Variants in OCA2 observed in about 807,000 individuals in gnomAD.
The protein encoded by OCA2 is P protein.
In OCA2, 77 loss-of-function variants were observed where a neutral mutation model predicts 100.2. That is an observed-to-expected ratio of 0.77 (90% CI 0.64 to 0.93). The LOEUF (loss-of-function observed/expected upper bound fraction) is 0.93, where lower values mean the gene tolerates loss of function less well. Among genes scored for constraint, OCA2 ranks in the 40% least tolerant of loss-of-function variants. OCA2 has a pLI of 0.00. For missense variants in OCA2, 1,062 were observed against 1,089.1 expected (o/e 0.98, Z 0.35); for synonymous variants, 432 against 439.2 (o/e 0.98, Z 0.21).
chr15:27,872,046 A>G (rs2036600862), intron 19 of OCA2, 124 bp from the exon 20 acceptor site: 1 of 732,724 alleles, frequency 1.4e-6, no homozygotes, highest in African/African-American at 1.8e-5. Context: ...GCTTCTTATA[A>G]AAGATCAGAC....
At chr15:27,752,410 C>T (rs1470863210), downstream of OCA2, among the ~76,000 whole-genome samples, 2 of 152,188 alleles carry the variant, frequency 1.3e-5, no homozygotes, top group South Asian at 2.1e-4. Flanking sequence ...CTGTAGACAG[C>T]GTCAGGAGGG....
chr15:28,012,091 T>C (rs1319313008), intron 9 of OCA2, among the ~76,000 whole-genome samples: 2 of 152,040 alleles, frequency 1.3e-5, no homozygotes, highest in African/African-American at 4.8e-5. Context: ...AGCTCAACAT[T>C]TTTAAAAACA....
At chr15:27,973,062 G>C (rs867983672) in intron 14 of OCA2, among the ~76,000 whole-genome samples, 176 of 151,932 alleles carry the variant, frequency 1.2e-3, no homozygotes, top group African/African-American at 4.0e-3. Flanking sequence ...TAGAGATGGG[G>C]TTTCACCGTG....
At chr15:27,735,031 A>C in the OCA2 span, among the ~76,000 whole-genome samples, 1 of 152,174 alleles carries the variant, frequency 6.6e-6, no homozygotes, top group East Asian at 1.9e-4. Context: ...AAGATATATG[A>C]ACTACCTAAC....
intron 14 of OCA2, among the ~76,000 whole-genome samples, chr15:27,977,223 G>A (rs952773779): frequency 4.6e-5 from 7 of 151,914 alleles, no homozygotes; most frequent in South Asian, 2.1e-4. Context: ...TTTTGCTTTC[G>A]TTGATGTTCC....
intron 20 of OCA2, among the ~76,000 whole-genome samples, chr15:27,871,545 T>A (rs545095781): frequency 1.3e-5 from 2 of 152,312 alleles, no homozygotes; most frequent in South Asian, 4.1e-4. Context: ...ACTGGTCACA[T>A]TGACCTGATG....
chr15:28,082,560 G>A (rs1406782351), intron 1 of OCA2, among the ~76,000 whole-genome samples: 1 of 152,194 alleles, frequency 6.6e-6, no homozygotes, highest in African/African-American at 2.4e-5. Flanking sequence ...ATGAAATTCT[G>A]TGCTACATTT....
chr15:27,828,847 T>TC (rs2034833951), intron 23 of OCA2, among the ~76,000 whole-genome samples: 1 of 152,176 alleles, frequency 6.6e-6, no homozygotes, highest in Non-Finnish European at 1.5e-5. Context: ...GACCTGGCTC[T>TC]CCGTGGCATG....
intron 23 of OCA2, among the ~76,000 whole-genome samples, chr15:27,828,904 C>T (rs572066694): frequency 5.3e-5 from 8 of 152,286 alleles, no homozygotes; most frequent in African/African-American, 1.2e-4. Flanking sequence ...CCCTCTCAAG[C>T]GTGCTAGAAG....
At chr15:27,905,709 C>A (rs368961100) in intron 19 of OCA2, among the ~76,000 whole-genome samples, 1 of 152,196 alleles carries the variant, frequency 6.6e-6, no homozygotes, top group Non-Finnish European at 1.5e-5. Flanking sequence ...CGCAGAAGAG[C>A]GCCAGGAATC....
At chr15:27,981,619 G>A (rs2041163301) in intron 14 of OCA2, among the ~76,000 whole-genome samples, 1 of 152,176 alleles carries the variant, frequency 6.6e-6, no homozygotes, top group African/African-American at 2.4e-5. Flanking sequence ...CATAAATTAA[G>A]AGGTTCCAGT....
At chr15:28,053,656 G>T (rs1184956733) in intron 2 of OCA2, among the ~76,000 whole-genome samples, 1 of 152,152 alleles carries the variant, frequency 6.6e-6, no homozygotes, top group Non-Finnish European at 1.5e-5. Flanking sequence ...CCCAGCCCAT[G>T]AGGTCTCCCA....
In OCA2 at chr15:27,770,082, T is replaced by C. The variant is rs555527314; in HGVS notation, c.2433-14610A>G. Among the ~76,000 whole-genome samples, 182 of 152,272 alleles carry C rather than the reference T, an allele frequency of 1.2e-3. 2 individuals carry two copies. The highest frequency in any genetic ancestry group is 4.3e-3 in the African/African-American group (179 of 41,560). On this transcript the variant is annotated intron_variant, in intron 23 of 23. Coordinates refer to ENST00000354638, the MANE Select transcript of OCA2 (RefSeq NM_000275.3). ...ACCCCCTTTTTTGCAGGGCCTGCAGTGCCCCCCACCCCCAGCACCACCAAG... is the reference window on the plus strand; with the variant it reads ...ACCCCCTTTTTTGCAGGGCCTGCAGCGCCCCCCACCCCCAGCACCACCAAG...
intron 21 of OCA2, among the ~76,000 whole-genome samples, chr15:27,866,549 T>A (rs2036331555): frequency 6.6e-6 from 1 of 152,200 alleles, no homozygotes. Context: ...ACTTGCTAAA[T>A]ATCTTTTTGG....
intron 3 of OCA2, 59 bp from the exon 4 acceptor site, chr15:28,028,118 C>G: frequency 1.3e-6 from 2 of 1,590,476 alleles, no homozygotes; most frequent in Admixed American, 3.3e-5. Context: ...ACAAAGCAAG[C>G]TTTCCTCTGA....
At chr15:28,016,664 C>T (rs1209153791) in intron 7 of OCA2, among the ~76,000 whole-genome samples, 1 of 152,070 alleles carries the variant, frequency 6.6e-6, no homozygotes, top group Non-Finnish European at 1.5e-5. Context: ...TGCTTGTGGT[C>T]CCAGCCACTT....
chr15:27,722,047 G>T, the OCA2 span, among the ~76,000 whole-genome samples: 1 of 152,134 alleles, frequency 6.6e-6, no homozygotes. Context: ...TTAATGCTGC[G>T]TGGACATTTG....
chr15:27,734,745 A>T, the OCA2 span, among the ~76,000 whole-genome samples: 1 of 152,212 alleles, frequency 6.6e-6, no homozygotes, highest in East Asian at 1.9e-4. Flanking sequence ...CACACTGGCC[A>T]CAGTGGCACC....
chr15:28,078,943 A>G (rs1470966912), intron 2 of OCA2, among the ~76,000 whole-genome samples: 1 of 152,162 alleles, frequency 6.6e-6, no homozygotes, highest in Non-Finnish European at 1.5e-5. Context: ...TGACCCAAGA[A>G]ATTGCACCTG....
Sources: allele counts gnomAD v4.1 joint callset (sites outside exome capture counted in the v4.1 genomes callset), GRCh38; gene constraint gnomAD v4.1.1; transcripts MANE v1.5; gene names NCBI Gene and HGNC (gene_info 2026-07-23, HGNC 2026-07-21).